The following HSPG2 variants were observed in gnomAD, a reference collection of about 807,000 sequenced individuals.
HSPG2 encodes heparan sulfate proteoglycan 2, also known as basement membrane-specific heparan sulfate proteoglycan core protein.
HSPG2 carries 278 observed loss-of-function variants against 526.6 expected under a neutral mutation model. The observed-to-expected ratio is 0.53, with a 90% CI of 0.48 to 0.58. The LOEUF is 0.58. Ranked by LOEUF, HSPG2 falls within the 20% of genes least tolerant of loss-of-function variation. The pLI, the probability that HSPG2 is intolerant of heterozygous loss-of-function variation, is 0.00. For missense variants in HSPG2, 5,354 were observed against 6,099.5 expected, an observed-to-expected ratio of 0.88 and a Z score of 4.07; for synonymous variants, 2,465 against 2,555.4, an observed-to-expected ratio of 0.96 and a Z score of 1.07.
intron 9 of HSPG2, among the ~76,000 whole-genome samples, chr1:21,886,747 A>G (rs1478541857): frequency 1.3e-5 from 2 of 152,088 alleles, no homozygotes; most frequent in Non-Finnish European, 2.9e-5. Context: ...GGGTGGATGG[A>G]TAATGGGTGT....
intron 17 of HSPG2, among the ~76,000 whole-genome samples, chr1:21,879,635 T>C (rs926487899): frequency 6.9e-6 from 1 of 144,444 alleles, no homozygotes. Flanking sequence ...ACCTCCCTTG[T>C]CTGGATGCTG....
chr1:21,828,201 T>C lies in HSPG2; in HGVS notation c.12410-49A>G. On this transcript the variant is annotated intron_variant, in intron 89 of 96. Coordinates refer to ENST00000374695, the MANE Select transcript of HSPG2 (RefSeq NM_005529.7). The surrounding 1 kb of genome is among the most constrained non-coding windows in gnomAD (Gnocchi z 6.0). The stretch of plus-strand genomic sequence containing the variant: ...TGGGTGGGTGGGCATGGGCTGGAGG[T>C]GTCGCTGACCACCTGTGCCCCTCCC... The C allele has an allele frequency of 6.2e-7, 1 of 1,612,576 alleles. No individual in the cohort carries two copies. Among genetic ancestry groups the C allele is most frequent in the Non-Finnish European group, 8.5e-7 (1 of 1,179,834 alleles).
intron 1 of HSPG2, among the ~76,000 whole-genome samples, chr1:21,926,818 A>G (rs915324472): frequency 1.3e-5 from 2 of 150,612 alleles, no homozygotes; most frequent in African/African-American, 4.9e-5. Context: ...AGTAGAGGCC[A>G]CTAGGGCTGG....
chr1:21,853,106 T>C (rs778714141), intron 50 of HSPG2, 36 bp from the exon 51 acceptor site: 11 of 1,612,646 alleles, frequency 6.8e-6, no homozygotes, highest in Non-Finnish European at 9.3e-6. Flanking sequence ...GCCTGAACTC[T>C]TGGGCTGTAA....
At chr1:21,915,096 C>A (rs1643858688) in intron 1 of HSPG2, among the ~76,000 whole-genome samples, 1 of 152,254 alleles carries the variant, frequency 6.6e-6, no homozygotes, top group Admixed American at 6.5e-5. Flanking sequence ...ACCAAGGGTG[C>A]CAGCGGGCCA....
At chr1:21,874,326 A>C (rs1640880430) in intron 28 of HSPG2, 80 bp downstream of exon 28, 12 of 1,557,704 alleles carry the variant, frequency 7.7e-6, no homozygotes, top group Non-Finnish European at 1.1e-5. Flanking sequence ...GCCTCTCAGA[A>C]GGGCCCTGGA....
At chr1:21,826,804 C>G (rs896617841) in intron 91 of HSPG2, among the ~76,000 whole-genome samples, 5 of 152,282 alleles carry the variant, frequency 3.3e-5, no homozygotes, top group Admixed American at 2.6e-4. Flanking sequence ...CCAGTGTGCC[C>G]GGCCAGCTGA....
At position 21,829,594 on chromosome 1, in the gene HSPG2, C is replaced by A; in HGVS notation, c.11781G>T (p.Val3927=). The change falls in exon 87 of 97, where the codon GTG becomes GTT. Residue 3927 remains valine, a synonymous_variant. Transcript: ENST00000374695. ...CAGCACCCGACAGCGAGGGGGTGGT[C>A]ACTGTCACACCTGCAGCAGCCACAG... ...SGLRCEEGVT[V]TTPSLSGAGS... 1 of 1,605,250 alleles carries A rather than the reference C, an allele frequency of 6.2e-7. No individual in the cohort carries two copies. Among genetic ancestry groups the A allele is most frequent in the South Asian group, 1.1e-5 (1 of 90,678 alleles).
intron 1 of HSPG2, among the ~76,000 whole-genome samples, chr1:21,924,943 C>T (rs887796405): frequency 2.0e-5 from 3 of 152,186 alleles, no homozygotes; most frequent in African/African-American, 7.2e-5. Context: ...CTTTTCCTTC[C>T]CCTGACACTC....
intron 1 of HSPG2, among the ~76,000 whole-genome samples, chr1:21,908,805 AG>A (rs1435764433): frequency 6.6e-6 from 1 of 152,222 alleles, no homozygotes; most frequent in Non-Finnish European, 1.5e-5. Context: ...CACCTGCAAA[AG>A]GAACAGGGCT....
Position 21,828,922 on chromosome 1 carries a change from G to A in HSPG2, c.12150C>T (p.Thr4050=), listed in dbSNP as rs2097989260. The change falls in exon 88 of 97, where the codon ACC becomes ACT. Residue 4050 remains threonine, a synonymous_variant. Transcript: ENST00000374695. This position sits in a 1 kb window ranked among gnomAD's most constrained non-coding sequence, Gnocchi z 6.0. The part of the protein sequence containing the change: ...PGKSQGLNLH[T]LLYLGGVEPS... ...GCTCCACACCCCCCAGGTAGAGCAG[G>A]GTGTGCAGGTTGAGGCCCTGGCTCT... 3.8e-6 allele frequency: 6 copies of A among 1,566,676 alleles called. No individual in the cohort carries two copies. Among genetic ancestry groups the A allele is most frequent in the Non-Finnish European group, 5.2e-6 (6 of 1,155,760 alleles).
chr1:21,832,463 C>A (rs765978354), intron 81 of HSPG2, 32 bp downstream of exon 81: 15 of 1,549,128 alleles, frequency 9.7e-6, no homozygotes, highest in South Asian at 1.1e-5. Flanking sequence ...TGTGTCCAGT[C>A]CCCCTGTAGG....
chr1:21,885,573 G>T, intron 9 of HSPG2, 122 bp from the exon 10 acceptor site: 1 of 1,123,322 alleles, frequency 8.9e-7, no homozygotes, highest in Non-Finnish European at 1.3e-6. Context: ...CCTAGCCCCT[G>T]CTGCACAACA....
chr1:21,837,485 C>T (rs1460908079), intron 74 of HSPG2, among the ~76,000 whole-genome samples: 1 of 149,492 alleles, frequency 6.7e-6, no homozygotes, highest in Non-Finnish European at 1.5e-5. Context: ...GACGGGGTTT[C>T]ACCATGTTGC....
At chr1:21,922,653 AG>A (rs1644073130) in intron 1 of HSPG2, among the ~76,000 whole-genome samples, 1 of 152,140 alleles carries the variant, frequency 6.6e-6, no homozygotes, top group South Asian at 2.1e-4. Flanking sequence ...GGGGGGAAGG[AG>A]GAAGCACCTG....
In HSPG2 at chr1:21,875,719, G is replaced by A. The variant is rs1435790165; in HGVS notation, c.3212C>T (p.Pro1071Leu). The A allele has an allele frequency of 1.7e-5, 27 of 1,605,010 alleles. No individual in the cohort carries two copies. The highest frequency in any genetic ancestry group is 2.1e-5 in the Non-Finnish European group (25 of 1,179,968). ...CATCAGCAGGTGCTCCCGTGTGGCT[G>A]GCTGCCCATCGGGCCGCTGCCATGC... ...EQAWQRPDGQ[P>L]ATREHLLMAL... Residue 1071 changes from proline to leucine, a missense_variant, in exon 25 of 97, where the codon CCA (proline) becomes CTA (leucine). Coordinates refer to ENST00000374695, the MANE Select transcript of HSPG2 (RefSeq NM_005529.7).
intron 1 of HSPG2, among the ~76,000 whole-genome samples, chr1:21,924,551 C>T (rs1055913550): frequency 6.6e-5 from 10 of 151,892 alleles, no homozygotes; most frequent in South Asian, 2.1e-4. Context: ...GCTTGGAAGA[C>T]GGCCAACAAA....
rs1227714952 is a variant in HSPG2 at position 21,875,925 on chromosome 1, G to GCT, written c.3119_3120dup (p.His1041SerfsTer39). The GCT allele has an allele frequency of 3.2e-5, 51 of 1,614,066 alleles. No individual in the cohort carries two copies. The highest frequency in any genetic ancestry group is 3.9e-5 in the Non-Finnish European group (46 of 1,180,046). On this transcript the variant is annotated frameshift_variant, in exon 24 of 97. Coordinates refer to ENST00000374695, the MANE Select transcript of HSPG2 (RefSeq NM_005529.7). LOFTEE classifies it high-confidence loss of function. ...GGGCTGGGCTCCTGGGCCACATGGT[G>GCT]CTCTAGGATGATGTTGTTACCTTGC... is the stretch of plus-strand genomic sequence containing the variant.
rs536540558 is a variant in HSPG2, at chr1:21,861,976, T to G, written c.4868+12A>C. The G allele has an allele frequency of 1.7e-4, 277 of 1,614,188 alleles. 8 individuals carry two copies. In the South Asian group the frequency reaches 2.9e-3, roughly 17 times the overall value. On this transcript the variant is annotated intron_variant, in intron 38 of 96. Coordinates refer to ENST00000374695, the MANE Select transcript of HSPG2 (RefSeq NM_005529.7). ...GGAAGTGTGTCCTTGGGCCTTGAGC[T>G]AGGGTACCCACATGTTCTCTGGGTT...
Sources: allele counts gnomAD v4.1 joint callset (sites outside exome capture counted in the v4.1 genomes callset), GRCh38; gene constraint gnomAD v4.1.1; non-coding constraint Gnocchi (gnomAD v3.1); transcripts MANE v1.5; gene names NCBI Gene and HGNC (gene_info 2026-07-23, HGNC 2026-07-21).